ASIC2: variants seen among roughly 807,000 people sequenced by gnomAD.
ASIC2 encodes the protein acid sensing ion channel subunit 2, also known as acid-sensing ion channel 2.
ASIC2 carries 25 observed loss-of-function variants against 57.3 expected under a neutral mutation model. The ratio of observed to expected loss-of-function variants is 0.44; its 90% CI spans 0.32 to 0.61. The LOEUF (loss-of-function observed/expected upper bound fraction) is 0.61, where lower values mean the gene tolerates loss of function less well. ASIC2 is among the 20% of genes least tolerant of loss of function. The pLI is 0.06. For synonymous variants in ASIC2, 319 were observed against 307.5 expected, an observed-to-expected ratio of 1.04 and a Z score of -0.39; for missense variants, 641 against 738.1, an observed-to-expected ratio of 0.87 and a Z score of 1.52.
At chr17:33,824,896 G>C (rs929703680) in intron 1 of ASIC2, among the ~76,000 whole-genome samples, 3 of 152,084 alleles carry the variant, frequency 2.0e-5, no homozygotes, top group Non-Finnish European at 4.4e-5. Context: ...AGCCAGTCTC[G>C]GGTATGTCTT....
In ASIC2 at chr17:33,599,159, A is replaced by G. The variant is rs189660579; in HGVS notation, c.556-487092T>C. Among the ~76,000 whole-genome samples the G allele has an allele frequency of 2.2e-3, 328 of 152,346 alleles. 1 individual carries two copies. The highest frequency in any genetic ancestry group is 2.9e-4 in the Non-Finnish European group (20 of 68,022). On this transcript the variant is annotated intron_variant, in intron 1 of 9. Coordinates refer to the ASIC2 transcript ENST00000359872. ...TCAGTAAGATCATGCTTTGAGACACATAAGAAATATTTTTTTGAAAATGTG... is the reference window on the plus strand; with the variant it reads ...TCAGTAAGATCATGCTTTGAGACACGTAAGAAATATTTTTTTGAAAATGTG...
At chr17:33,236,694 T>G (rs189302671) in intron 1 of ASIC2, among the ~76,000 whole-genome samples, 2 of 152,264 alleles carry the variant, frequency 1.3e-5, no homozygotes, top group African/African-American at 4.8e-5. Context: ...GACAAAATCA[T>G]CCTGGATTTA....
chr17:33,164,239 C>G (rs971390722), intron 1 of ASIC2, among the ~76,000 whole-genome samples: 2 of 152,180 alleles, frequency 1.3e-5, no homozygotes, highest in Admixed American at 6.5e-5. Flanking sequence ...CTGGCCTGCC[C>G]CATGCTCTGT....
At chr17:33,827,140 C>T (rs974790782) in intron 1 of ASIC2, among the ~76,000 whole-genome samples, 4 of 152,048 alleles carry the variant, frequency 2.6e-5, no homozygotes, top group African/African-American at 9.7e-5. Context: ...CAAGCCTTAG[C>T]TTCCTTATCT....
rs1173076413 is a variant in ASIC2 at position 33,255,028 on chromosome 17, CTTTTTTTTTTT to C, written c.708+36369_708+36379del. On this transcript the variant is annotated intron_variant, in intron 1 of 9. Coordinates refer to ENST00000225823, the MANE Select transcript of ASIC2 (RefSeq NM_183377.2). ...GACAAAATGCTATTTAGAAAGAAAT[CTTTTTTTTTTT>C]TTTTTTTTTTTTTTGGGACAGAGCC... Among the ~76,000 whole-genome samples the C allele has an allele frequency of 1.3e-3, 95 of 73,998 alleles. 1 individual carries two copies. Among genetic ancestry groups the C allele is most frequent in the Admixed American group, 5.9e-3 (29 of 4,918 alleles). The allele number at this position is 73,998 out of a possible 152,430, so 48.5% of individuals were successfully genotyped here.
chr17:33,586,856 A>G (rs1904655905), intron 1 of ASIC2, among the ~76,000 whole-genome samples: 1 of 152,032 alleles, frequency 6.6e-6, no homozygotes, highest in Non-Finnish European at 1.5e-5. Context: ...TTATTTTCTC[A>G]TTTGTTCATT....
chr17:33,269,394 G>A (rs1436032490), intron 1 of ASIC2, among the ~76,000 whole-genome samples: 2 of 152,078 alleles, frequency 1.3e-5, no homozygotes, highest in Non-Finnish European at 2.9e-5. Context: ...GTGTCCCATC[G>A]GGGGGAAACA....
chr17:33,578,493 G>A (rs565282150), intron 1 of ASIC2, among the ~76,000 whole-genome samples: 1 of 152,300 alleles, frequency 6.6e-6, no homozygotes, highest in African/African-American at 2.4e-5. Context: ...GGGTGGGCGA[G>A]ACAATTGGGA....
chr17:33,027,824 AC>A (rs1299170840), intron 4 of ASIC2, among the ~76,000 whole-genome samples: 1 of 152,354 alleles, frequency 6.6e-6, no homozygotes, highest in East Asian at 1.9e-4. Flanking sequence ...TGGCCAATAG[AC>A]TTTTGCCTCA....
At chr17:33,874,258 A>G (rs1914497408) in intron 1 of ASIC2, among the ~76,000 whole-genome samples, 1 of 152,154 alleles carries the variant, frequency 6.6e-6, no homozygotes, top group Non-Finnish European at 1.5e-5. Flanking sequence ...AGCTGACCAT[A>G]CGAGCAGAAG....
chr17:33,371,433 G>A (rs556190856), intron 1 of ASIC2, among the ~76,000 whole-genome samples: 1 of 152,336 alleles, frequency 6.6e-6, no homozygotes, highest in South Asian at 2.1e-4. Flanking sequence ...CACAACACAT[G>A]GCCCAGGAAG....
chr17:33,817,158 C>A (rs531120342), intron 1 of ASIC2, among the ~76,000 whole-genome samples: 3 of 152,174 alleles, frequency 2.0e-5, no homozygotes, highest in African/African-American at 7.2e-5. Context: ...GATTCTTCGA[C>A]GTTCTCTAGG....
At chr17:33,407,733 T>G (rs1567851105) in intron 1 of ASIC2, among the ~76,000 whole-genome samples, 1 of 152,240 alleles carries the variant, frequency 6.6e-6, no homozygotes, top group Admixed American at 6.5e-5. Flanking sequence ...TGATTTACTC[T>G]AAATAGATTT....
At chr17:33,468,577 T>C (rs1912936298) in intron 1 of ASIC2, among the ~76,000 whole-genome samples, 1 of 152,090 alleles carries the variant, frequency 6.6e-6, no homozygotes, top group Non-Finnish European at 1.5e-5. Context: ...TTTTCCAGGA[T>C]GCTTTATAAT....
At chr17:33,105,609 A>C (rs2092231618) in intron 2 of ASIC2, among the ~76,000 whole-genome samples, 1 of 152,212 alleles carries the variant, frequency 6.6e-6, no homozygotes, top group Admixed American at 6.5e-5. Flanking sequence ...GCAGTTGGAC[A>C]AGTTTGGAGG....
chr17:34,031,439 G>A (rs981803782), intron 1 of ASIC2, among the ~76,000 whole-genome samples: 2 of 152,288 alleles, frequency 1.3e-5, no homozygotes, highest in East Asian at 3.9e-4. Flanking sequence ...ACTGGAAACT[G>A]TAAAAATCAG....
At chr17:33,677,381 G>T (rs1044955245) in intron 1 of ASIC2, among the ~76,000 whole-genome samples, 2 of 152,148 alleles carry the variant, frequency 1.3e-5, no homozygotes, top group Non-Finnish European at 2.9e-5. Flanking sequence ...CATCTATTCT[G>T]CGCCCATGGA....
intron 1 of ASIC2, among the ~76,000 whole-genome samples, chr17:33,428,672 G>C (rs1911299456): frequency 6.6e-6 from 1 of 152,132 alleles, no homozygotes; most frequent in Non-Finnish European, 1.5e-5. Flanking sequence ...ACAGTCCATA[G>C]CTTTGACCCA....
At chr17:33,682,626 A>G (rs1908046084) in intron 1 of ASIC2, among the ~76,000 whole-genome samples, 1 of 152,230 alleles carries the variant, frequency 6.6e-6, no homozygotes, top group Admixed American at 6.5e-5. Flanking sequence ...CATGATTGCA[A>G]GAGAACAGAT....
Sources: allele counts gnomAD v4.1 joint callset (sites outside exome capture counted in the v4.1 genomes callset), GRCh38; gene constraint gnomAD v4.1.1; transcripts MANE v1.5; gene names NCBI Gene and HGNC (gene_info 2026-07-23, HGNC 2026-07-21).